The following GPLD1 variants were observed in gnomAD, a reference collection of about 807,000 sequenced individuals.
GPLD1 encodes phosphatidylinositol-glycan-specific phospholipase D.
Under a neutral mutation model 112.6 loss-of-function variants are expected in GPLD1, and 84 were observed. The ratio of observed to expected loss-of-function variants is 0.75; its 90% CI spans 0.63 to 0.89. GPLD1 has a LOEUF of 0.89. Among genes scored for constraint, GPLD1 ranks in the 40% least tolerant of loss-of-function variants. The pLI is 0.00. For missense variants in GPLD1, 1,044 were observed against 1,051.5 expected (o/e 0.99, Z 0.10); for synonymous variants, 386 against 403.8 (o/e 0.96, Z 0.53).
intron 1 of GPLD1, among the ~76,000 whole-genome samples, chr6:24,487,814 G>A (rs948374498): frequency 6.6e-6 from 1 of 152,056 alleles, no homozygotes; most frequent in African/African-American, 2.4e-5. Context: ...ATTTTTAATG[G>A]AAAGAACGCC....
In GPLD1 at chr6:24,456,581, T is replaced by C. The variant is rs1331494594; in HGVS notation, c.1065A>G (p.Ile355Met). Residue 355 changes from isoleucine to methionine, a missense_variant, in exon 13 of 25, where the codon ATA becomes ATG. Transcript: ENST00000230036. ...ALERNIRTMF[I>M]GGSQLSQKHV... Reference sequence around the variant, plus strand: ...GCTTTTGTGACAACTGAGAGCCACCTATGAACATTGTCCTTATGTTCCTTT... The same window carrying C: ...GCTTTTGTGACAACTGAGAGCCACCCATGAACATTGTCCTTATGTTCCTTT... The C allele has an allele frequency of 3.7e-6, 6 of 1,600,134 alleles. No homozygotes were observed. Among genetic ancestry groups the C allele is most frequent in the Non-Finnish European group, 5.1e-6 (6 of 1,167,422 alleles).
intron 3 of GPLD1, among the ~76,000 whole-genome samples, chr6:24,479,315 T>A (rs1280340566): frequency 2.0e-5 from 3 of 152,238 alleles, no homozygotes. Flanking sequence ...CAGAAGCCCC[T>A]CTCAGGTTTA....
At chr6:24,462,161 C>A (rs1763459398) in intron 11 of GPLD1, among the ~76,000 whole-genome samples, 1 of 152,118 alleles carries the variant, frequency 6.6e-6, no homozygotes, top group Non-Finnish European at 1.5e-5. Flanking sequence ...GAGACAGGAT[C>A]TCACTCTGTT....
At chr6:24,490,808 C>T (rs1454343675), upstream of GPLD1, among the ~76,000 whole-genome samples, 2 of 151,662 alleles carry the variant, frequency 1.3e-5, no homozygotes, top group Admixed American at 1.3e-4. Flanking sequence ...ACAGTTGTCG[C>T]CCCAACAGTT....
intron 5 of GPLD1, 42 bp from the exon 6 acceptor site, chr6:24,473,709 T>C (rs745604540): frequency 7.4e-7 from 1 of 1,355,740 alleles, no homozygotes; most frequent in East Asian, 2.3e-5. Context: ...TTACAAATTG[T>C]AGCCCCAACT....
chr6:24,436,975 T>A, intron 21 of GPLD1, 138 bp downstream of exon 21: 1 of 785,546 alleles, frequency 1.3e-6, no homozygotes, highest in South Asian at 1.7e-5. Flanking sequence ...TGGTCTTGCC[T>A]CATTCAAGAT....
chr6:24,449,850 T>A lies in GPLD1; in HGVS notation c.1385A>T (p.Asp462Val), dbSNP rs1351008115. 1 of 1,613,482 alleles carries A rather than the reference T, an allele frequency of 6.2e-7. No individual in the cohort carries two copies. Reference protein sequence around the residue: ...SALAVLDFNVDGVPDLAVGAP... With the variant: ...SALAVLDFNVVGVPDLAVGAP... ...TCCCACGGCCAGGTCAGGCACGCCG[T>A]CCACGTTAAAGTCCAACACAGCCAA... The change falls in exon 15 of 25, where the codon GAC becomes GTC. Residue 462 changes from aspartate to valine, a missense_variant. Coordinates refer to ENST00000230036, the MANE Select transcript of GPLD1 (RefSeq NM_001503.4).
At chr6:24,473,216 T>C (rs1423855728) in intron 6 of GPLD1, 1 of 156,394 alleles carries the variant, frequency 6.4e-6, no homozygotes, top group African/African-American at 2.4e-5. Flanking sequence ...ACCATAAGGG[T>C]TTAATAAACA....
upstream of GPLD1, among the ~76,000 whole-genome samples, chr6:24,491,859 T>C (rs1764567717): frequency 6.6e-6 from 1 of 152,244 alleles, no homozygotes; most frequent in South Asian, 2.1e-4. Flanking sequence ...TAGTTATGAA[T>C]ATGGTCTTTA....
intron 15 of GPLD1, 148 bp from the exon 16 acceptor site, chr6:24,448,356 C>T (rs1225015971): frequency 2.7e-6 from 1 of 373,760 alleles, no homozygotes; most frequent in Non-Finnish European, 5.2e-6. Context: ...CAAGTGGGAA[C>T]ATTGCTTGAG....
At chr6:24,488,243 TA>T (rs370921406) in intron 1 of GPLD1, among the ~76,000 whole-genome samples, 8 of 150,152 alleles carry the variant, frequency 5.3e-5, no homozygotes, top group African/African-American at 7.3e-5. Flanking sequence ...CCATCTCTAC[TA>T]AAAAAAAATA....
In GPLD1 at chr6:24,460,335, T is replaced by C; in HGVS notation, c.952A>G (p.Arg318Gly). 6.2e-7 allele frequency: 1 copy of C among 1,612,986 alleles called. No individual in the cohort carries two copies. Among genetic ancestry groups the C allele is most frequent in the Non-Finnish European group, 8.5e-7 (1 of 1,178,914 alleles). The part of the protein sequence containing the change: ...LTTSLTESVD[R>G]NINYTERGVF... Reference sequence around the variant, plus strand: ...CCTCTTTCAGTATAGTTTATATTCCTGTCAACACTTTCAGTTAGGGATGTA... The same window carrying C: ...CCTCTTTCAGTATAGTTTATATTCCCGTCAACACTTTCAGTTAGGGATGTA... Residue 318 changes from arginine to glycine, a missense_variant, in exon 12 of 25, where the codon AGG (arginine) becomes GGG (glycine). By Grantham distance (125) the Arg-to-Gly change is moderately radical. Coordinates refer to ENST00000230036, the MANE Select transcript of GPLD1 (RefSeq NM_001503.4).
rs538473041 is a variant in GPLD1, at chr6:24,433,616, G to A, written c.2359-227C>T. ...CAAGCAAGTCTCCCGCTTCAGCCTC[G>A]TGAGTTGATGGAATTACAGGCGCCC... On this transcript the variant is annotated intron_variant, in intron 22 of 24. Coordinates refer to ENST00000230036, the MANE Select transcript of GPLD1 (RefSeq NM_001503.4). The A allele has an allele frequency of 1.5e-3, 656 of 433,018 alleles. 5 individuals carry two copies. The highest frequency in any genetic ancestry group is 8.8e-3 in the African/African-American group (427 of 48,694). 26.8% of individuals were successfully genotyped at this position (433,018 alleles called of 1,614,324 possible). A position where few individuals can be genotyped will look rare whatever the true frequency, so the allele number is the denominator to read the frequency against.
intron 7 of GPLD1, among the ~76,000 whole-genome samples, chr6:24,469,710 A>G (rs538493639): frequency 1.0e-3 from 155 of 147,654 alleles, no homozygotes; most frequent in African/African-American, 3.6e-3. Flanking sequence ...GCGCACCAGC[A>G]TGGCACATGT....
intron 14 of GPLD1, among the ~76,000 whole-genome samples, chr6:24,451,702 A>G (rs888030743): frequency 2.0e-5 from 3 of 152,240 alleles, no homozygotes; most frequent in Non-Finnish European, 4.4e-5. Flanking sequence ...TGCTTGCCAC[A>G]TAACACACAT....
At position 24,489,523 on chromosome 6, in the gene GPLD1, C is replaced by A. The variant is rs1173147454; in HGVS notation, c.-12G>T. On this transcript the variant is annotated 5_prime_UTR_variant, in exon 1 of 25. Transcript: ENST00000230036. ...CTGAAAGCAGACATGATCTCATTGC[C>A]CACCGGCTTCTCTGGTGACGTGGGA... 1 of 1,613,696 alleles carries A rather than the reference C, an allele frequency of 6.2e-7. No individual in the cohort carries two copies. Among genetic ancestry groups the A allele is most frequent in the African/African-American group, 1.3e-5 (1 of 74,884 alleles).
At chr6:24,461,008 G>A (rs1763415658) in intron 11 of GPLD1, among the ~76,000 whole-genome samples, 1 of 152,110 alleles carries the variant, frequency 6.6e-6, no homozygotes, top group Non-Finnish European at 1.5e-5. Context: ...CTCCCAAAGT[G>A]CTGGAATTAC....
chr6:24,430,364 C>T (rs114310391), intron 24 of GPLD1, among the ~76,000 whole-genome samples: 2,295 of 152,282 alleles, frequency 0.015, 26 homozygotes, highest in Middle Eastern at 0.024. Context: ...TGTCTGACCT[C>T]GTTTGGCTCT....
intron 22 of GPLD1, among the ~76,000 whole-genome samples, chr6:24,435,069 T>C (rs1762526445): frequency 6.7e-6 from 1 of 150,006 alleles, no homozygotes; most frequent in African/African-American, 2.5e-5. Context: ...TGGAGTGCAG[T>C]GGCATGATCT....
Sources: gnomAD v4.1 joint callset for allele counts (sites outside exome capture counted in the v4.1 genomes callset) on GRCh38, gnomAD v4.1.1 for gene constraint, MANE v1.5 for transcripts, NCBI Gene and HGNC (gene_info 2026-07-23, HGNC 2026-07-21) for gene names.